RNASET2: variants seen among roughly 807,000 people sequenced by gnomAD.
RNASET2 encodes ribonuclease T2.
Under a neutral mutation model 33.9 loss-of-function variants are expected in RNASET2, and 28 were observed. The observed-to-expected ratio is 0.83, with a 90% CI of 0.61 to 1.13. The LOEUF is 1.13. RNASET2 is among the 50% of genes most tolerant of loss of function. The pLI is 0.00. For missense variants in RNASET2, 330 were observed against 319.9 expected (o/e 1.03, Z -0.24); for synonymous variants, 123 against 121.0 (o/e 1.02, Z -0.11).
At position 166,938,958 on chromosome 6, in the gene RNASET2, A is replaced by G; in HGVS notation, c.383T>C (p.Leu128Pro). 4 of 1,613,792 alleles carry G rather than the reference A, an allele frequency of 2.5e-6. No homozygotes were observed. Among genetic ancestry groups the G allele is most frequent in the Non-Finnish European group, 3.4e-6 (4 of 1,180,020 alleles). Residue 128 changes from leucine (L) to proline (P), a missense_variant, in exon 6 of 9, where the codon CTC becomes CCC. Transcript: ENST00000508775. ...GCCAAAGTACTTCTTCTGGGAGTTG[A>G]GCGCATCCACCTGGGCGGCGCAGGT... ...HGTCAAQVDALNSQKKYFGRS... is the reference protein window; with the variant it reads ...HGTCAAQVDAPNSQKKYFGRS...
intron 2 of RNASET2, among the ~76,000 whole-genome samples, chr6:166,949,500 CAAAAAAAAAAAAA>C (rs61621125): frequency 2.3e-5 from 1 of 44,398 alleles, no homozygotes; most frequent in Non-Finnish European, 4.3e-5. Context: ...GACTCCATCT[CAAAAAAAAAAAAA>C]AAAAAAAAAA....
At chr6:166,955,014 C>T (rs2128648004) in intron 1 of RNASET2, among the ~76,000 whole-genome samples, 1 of 146,622 alleles carries the variant, frequency 6.8e-6, no homozygotes, top group South Asian at 2.2e-4. Flanking sequence ...GTAAAACCCA[C>T]CTTTTCCACA....
chr6:166,929,393 C>T lies in RNASET2; in HGVS notation c.*195G>A. 1.5e-6 allele frequency: 1 copy of T among 660,008 alleles called. No homozygotes were observed. Among genetic ancestry groups the T allele is most frequent in the Non-Finnish European group, 2.7e-6 (1 of 374,452 alleles). The allele number at this position is 660,008 out of a possible 1,614,324, so 40.9% of individuals were successfully genotyped here. A position where few individuals can be genotyped will look rare whatever the true frequency, so the allele number is the denominator to read the frequency against. ...CTTTATCCCAAGCACAAAACAGCCACTCAGGCGTGGGAGAGCTCCTTTCTC... is the reference window on the plus strand; with the variant it reads ...CTTTATCCCAAGCACAAAACAGCCATTCAGGCGTGGGAGAGCTCCTTTCTC... On this transcript the variant is annotated 3_prime_UTR_variant, in exon 9 of 9. Transcript: ENST00000508775.
At position 166,934,059 on chromosome 6, in the gene RNASET2, C is replaced by T. The variant is rs774457054; in HGVS notation, c.492+32G>A. The stretch of plus-strand genomic sequence containing the variant: ...CCCTACTGGAGGTCCCCGGGAGAGA[C>T]ACACGAGAAAAGAAGCAAAAGCAAG... On this transcript the variant is annotated intron_variant, in intron 7 of 8. Coordinates refer to ENST00000508775, the MANE Select transcript of RNASET2 (RefSeq NM_003730.6). 25 of 1,575,868 alleles carry T rather than the reference C, an allele frequency of 1.6e-5. No homozygotes were observed. The South Asian group carries it at 2.4e-4, about 15-fold the overall frequency.
chr6:166,935,617 T>A (rs1188853645), intron 6 of RNASET2, among the ~76,000 whole-genome samples: 1 of 152,260 alleles, frequency 6.6e-6, no homozygotes, highest in Non-Finnish European at 1.5e-5. Context: ...AGATGATTTG[T>A]GGTTTTTCAG....
intron 6 of RNASET2, among the ~76,000 whole-genome samples, chr6:166,936,770 C>A (rs1198224960): frequency 6.6e-6 from 1 of 152,234 alleles, no homozygotes; most frequent in Non-Finnish European, 1.5e-5. Context: ...GATAAACCAA[C>A]CACATCCAAA....
rs749050166 is a variant in RNASET2 at position 166,946,824 on chromosome 6, T to C, written c.204-85A>G. ...TACATGACCTTAGAAAACACTTTCATTGAAGTCTGCAAAGAATAAAAAGAG... is the reference window on the plus strand; with the variant it reads ...TACATGACCTTAGAAAACACTTTCACTGAAGTCTGCAAAGAATAAAAAGAG... On this transcript the variant is annotated intron_variant, in intron 3 of 8. Coordinates refer to ENST00000508775, the MANE Select transcript of RNASET2 (RefSeq NM_003730.6). 6.2e-5 allele frequency: 48 copies of C among 776,144 alleles called. 1 individual carries two copies. The highest frequency in any genetic ancestry group is 2.9e-4 in the African/African-American group (17 of 58,230). 48.1% of individuals were successfully genotyped at this position (776,144 alleles called of 1,614,324 possible).
intron 5 of RNASET2, among the ~76,000 whole-genome samples, chr6:166,940,030 G>A (rs1177127195): frequency 1.3e-5 from 2 of 152,254 alleles, no homozygotes; most frequent in Non-Finnish European, 2.9e-5. Context: ...AGGTCACTCA[G>A]AGCCTGCCCT....
rs1489738885 is a variant in RNASET2, at chr6:166,925,224, C to T, written c.*4364G>A. On this transcript the variant is annotated 3_prime_UTR_variant, in exon 9 of 9. Coordinates refer to ENST00000508775, the MANE Select transcript of RNASET2 (RefSeq NM_003730.6). ...CTCACCTCTGCTGTCCAGGCATCACCCTTGCTGTCCAGCCGACACCTACGA... is the reference window on the plus strand; with the variant it reads ...CTCACCTCTGCTGTCCAGGCATCACTCTTGCTGTCCAGCCGACACCTACGA... Among the ~76,000 whole-genome samples the T allele has an allele frequency of 6.6e-6, 1 of 151,780 alleles. No individual in the cohort carries two copies. Among genetic ancestry groups the T allele is most frequent in the East Asian group, 1.9e-4 (1 of 5,148 alleles).
At chr6:166,955,381 G>GCACACA (rs199506216) in intron 1 of RNASET2, 32 of 250,872 alleles carry the variant, frequency 1.3e-4, no homozygotes, top group Admixed American at 4.9e-4. Flanking sequence ...AAACGCACAC[G>GCACACA]CACACACACA....
rs913951004 is a variant in RNASET2 at position 166,922,307 on chromosome 6, G to C, written c.*7281C>G. ...GGTGATCTGAGTTATAGTAAAGCCT[G>C]TTTCGTTGGTGTTTGCCTGATAATA... On this transcript the variant is annotated 3_prime_UTR_variant, in exon 9 of 9. Transcript: ENST00000508775. Among the ~76,000 whole-genome samples, 6 of 152,174 alleles carry C rather than the reference G, an allele frequency of 3.9e-5. No individual in the cohort carries two copies. Among genetic ancestry groups the C allele is most frequent in the African/African-American group, 1.4e-4 (6 of 41,448 alleles).
chr6:166,942,348 T>C (rs558378190), intron 5 of RNASET2, among the ~76,000 whole-genome samples: 38 of 152,292 alleles, frequency 2.5e-4, no homozygotes, highest in African/African-American at 8.9e-4. Context: ...CCACTGTGCC[T>C]GGTCTCTTTT....
chr6:166,954,469 A>G (rs575370429), intron 1 of RNASET2, among the ~76,000 whole-genome samples: 4 of 152,268 alleles, frequency 2.6e-5, no homozygotes, highest in Admixed American at 2.0e-4. Context: ...TACTATTTCT[A>G]CTTTACAGAT....
chr6:166,945,727 G>A (rs1040269822), intron 4 of RNASET2, among the ~76,000 whole-genome samples: 1 of 151,860 alleles, frequency 6.6e-6, no homozygotes, highest in African/African-American at 2.4e-5. Flanking sequence ...CTACTCAGGA[G>A]GCTGAGGCAG....
chr6:166,948,216 C>T (rs897570508), intron 3 of RNASET2, among the ~76,000 whole-genome samples: 4 of 152,024 alleles, frequency 2.6e-5, no homozygotes, highest in Middle Eastern at 3.4e-3. Flanking sequence ...TGTGGTGGGG[C>T]GTGCCTGCAA....
chr6:166,931,377 G>A, intron 7 of RNASET2: 1 of 535,774 alleles, frequency 1.9e-6, no homozygotes, highest in Non-Finnish European at 3.4e-6. Context: ...CTGGAGAGCA[G>A]AGCTCTCCTC....
At chr6:166,955,246 C>CG (rs1465069404) in intron 1 of RNASET2, among the ~76,000 whole-genome samples, 4 of 109,586 alleles carry the variant, frequency 3.7e-5, no homozygotes, top group African/African-American at 1.4e-4. Context: ...CACGCACACA[C>CG]ACGCACACAC....
At chr6:166,931,430 G>A (rs1025523824) in intron 7 of RNASET2, 18 of 435,888 alleles carry the variant, frequency 4.1e-5, no homozygotes, top group African/African-American at 1.8e-4. Context: ...CACCTGAAAC[G>A]CCACCTGCCA....
Position 166,933,404 on chromosome 6 carries a change from C to CT in RNASET2, c.492+686dup, listed in dbSNP as rs904338669. 3.3e-5 allele frequency: 5 copies of CT among 152,056 alleles called. No individual in the cohort carries two copies. The highest frequency in any genetic ancestry group is 7.2e-5 in the African/African-American group (3 of 41,396). 9.4% of individuals were successfully genotyped at this position (152,056 alleles called of 1,614,324 possible). The stretch of plus-strand genomic sequence containing the variant: ...AGACGTGATCTGGCTGTCGCCCAGA[C>CT]TGGAGTGCAGTGGGGCGACCATGGC... On this transcript the variant is annotated intron_variant, in intron 7 of 8. Coordinates refer to ENST00000508775, the MANE Select transcript of RNASET2 (RefSeq NM_003730.6). The surrounding 1 kb of genome is among the most constrained non-coding windows in gnomAD (Gnocchi z 4.1).
Sources: gnomAD v4.1 joint callset for allele counts (sites outside exome capture counted in the v4.1 genomes callset) on GRCh38, gnomAD v4.1.1 for gene constraint, Gnocchi (gnomAD v3.1) non-coding constraint, MANE v1.5 for transcripts, NCBI Gene and HGNC (gene_info 2026-07-23, HGNC 2026-07-21) for gene names.